The following CATSPERB variants were observed in gnomAD, a reference collection of about 807,000 sequenced individuals.
CATSPERB encodes the protein cation channel sperm-associated auxiliary subunit beta.
Under a neutral mutation model 128.3 loss-of-function variants are expected in CATSPERB, and 93 were observed. The ratio of observed to expected loss-of-function variants is 0.72; its 90% confidence interval spans 0.61 to 0.86. The LOEUF (loss-of-function observed/expected upper bound fraction) is 0.86, where lower values mean the gene tolerates loss of function less well. CATSPERB is among the 40% of genes least tolerant of loss of function. The pLI is 0.00. For synonymous variants in CATSPERB, 381 were observed against 448.8 expected, an observed-to-expected ratio of 0.85 and a Z score of 1.91; for missense variants, 1,153 against 1,329.5, an observed-to-expected ratio of 0.87 and a Z score of 2.06.
chr14:91,686,575 CTG>C (rs1465526708), intron 10 of CATSPERB, among the ~76,000 whole-genome samples: 3 of 152,140 alleles, frequency 2.0e-5, no homozygotes, highest in Non-Finnish European at 4.4e-5. Flanking sequence ...CTTTGGAACA[CTG>C]TATTTCCCCT....
chr14:91,583,721 A>G (rs181115574), intron 26 of CATSPERB, among the ~76,000 whole-genome samples: 1 of 152,318 alleles, frequency 6.6e-6, no homozygotes, highest in Admixed American at 6.5e-5. Flanking sequence ...CCACAGTGCA[A>G]TGATCAAAGT....
At chr14:91,588,301 A>G (rs145361575) in intron 24 of CATSPERB, among the ~76,000 whole-genome samples, 69 of 152,210 alleles carry the variant, frequency 4.5e-4, no homozygotes, top group Middle Eastern at 6.8e-3. Flanking sequence ...TTGACTTTGT[A>G]GACGATGTAT....
chr14:91,621,810 A>G lies in CATSPERB; in HGVS notation c.2058T>C (p.Ser686=), dbSNP rs1290882991. Residue 686 remains serine (S), a synonymous_variant, in exon 19 of 27, where the codon AGT becomes AGC. Coordinates refer to ENST00000256343, the MANE Select transcript of CATSPERB (RefSeq NM_024764.4). ...NALAIATMPE[S]APNNMTFLKS... ...TTAGAAAGGTCATATTGTTGGGTGC[A>G]CTTTCAGGCATGGTAGCAATGGCTA... 1.2e-6 allele frequency: 2 copies of G among 1,614,196 alleles called. No homozygotes were observed.
intron 21 of CATSPERB, 92 bp downstream of exon 21, chr14:91,610,388 A>G (rs1893801972): frequency 1.0e-6 from 1 of 1,004,978 alleles, no homozygotes; most frequent in Admixed American, 2.4e-5. Context: ...AGCCACTCAC[A>G]AAAGAAATGC....
Position 91,693,163 on chromosome 14 carries a change from C to T in CATSPERB, c.794G>A (p.Ser265Asn). 6.2e-7 allele frequency: 1 copy of T among 1,613,694 alleles called. No homozygotes were observed. The highest frequency in any genetic ancestry group is 8.5e-7 in the Non-Finnish European group (1 of 1,179,806). ...GCGTGATGGATAACGAAGATCTTCA[C>T]TTACAAAAAGGCCCAAAGAGGTGAG... ...VILTSLGLFV[S>N]EDLRYPSRHS... The change falls in exon 9 of 27, where the codon AGT becomes AAT. Residue 265 changes from serine (S) to asparagine (N), a missense_variant. Ser to Asn is a conservative substitution (Grantham distance 46). Transcript: ENST00000256343.
At chr14:91,729,567 G>T (rs538034867) in intron 1 of CATSPERB, 88 bp from the exon 2 acceptor site, 41 of 616,930 alleles carry the variant, frequency 6.6e-5, no homozygotes, top group African/African-American at 1.1e-4. Flanking sequence ...AAGTAGTAAA[G>T]AAATAATCTC....
chr14:91,678,744 G>A lies in CATSPERB; in HGVS notation c.932-4522C>T, dbSNP rs185467259. ...CTCTGCTAGATAGATTAAGCTGTCTGGATTTGGCATAAAAGTTATAAGGCT... is the reference window on the plus strand; with the variant it reads ...CTCTGCTAGATAGATTAAGCTGTCTAGATTTGGCATAAAAGTTATAAGGCT... On this transcript the variant is annotated intron_variant, in intron 11 of 26. Coordinates refer to ENST00000256343, the MANE Select transcript of CATSPERB (RefSeq NM_024764.4). Among the ~76,000 whole-genome samples the A allele has an allele frequency of 3.2e-3, 494 of 152,248 alleles. 1 individual carries two copies. The highest frequency in any genetic ancestry group is 4.6e-3 in the Non-Finnish European group (311 of 67,996).
intron 5 of CATSPERB, chr14:91,710,730 A>G (rs1485499819): frequency 6.6e-6 from 1 of 152,226 alleles, no homozygotes; most frequent in African/African-American, 2.4e-5. Context: ...ATGGCACCAT[A>G]ACTACTCCAG....
intron 24 of CATSPERB, among the ~76,000 whole-genome samples, chr14:91,588,565 A>T (rs1893344193): frequency 6.6e-6 from 1 of 152,158 alleles, no homozygotes; most frequent in Admixed American, 6.5e-5. Context: ...CTTTCTTGTC[A>T]TCCTTTCTAA....
At chr14:91,623,869 A>G (rs1468136303) in intron 18 of CATSPERB, among the ~76,000 whole-genome samples, 2 of 152,238 alleles carry the variant, frequency 1.3e-5, no homozygotes, top group Non-Finnish European at 2.9e-5. Flanking sequence ...TGAGATAGAA[A>G]CATCCTATAG....
At chr14:91,583,157 G>A (rs1248026527) in intron 26 of CATSPERB, among the ~76,000 whole-genome samples, 4 of 152,244 alleles carry the variant, frequency 2.6e-5, no homozygotes, top group Non-Finnish European at 4.4e-5. Context: ...GGTGGCTCAT[G>A]CCTGTAATCC....
At chr14:91,633,477 C>T (rs1481782328) in intron 17 of CATSPERB, among the ~76,000 whole-genome samples, 1 of 151,544 alleles carries the variant, frequency 6.6e-6, no homozygotes, top group East Asian at 1.9e-4. Context: ...AACAGAACCA[C>T]AGAAGGGCAA....
intron 10 of CATSPERB, among the ~76,000 whole-genome samples, chr14:91,689,403 C>T (rs1038108973): frequency 5.9e-5 from 9 of 152,204 alleles, no homozygotes; most frequent in African/African-American, 2.2e-4. Flanking sequence ...CCCAGCTGTC[C>T]AGTGGCCCCA....
At chr14:91,706,910 T>A (rs2139856526) in intron 6 of CATSPERB, among the ~76,000 whole-genome samples, 1 of 152,228 alleles carries the variant, frequency 6.6e-6, no homozygotes, top group East Asian at 1.9e-4. Context: ...AATGCTACTG[T>A]CCATCTACTC....
intron 23 of CATSPERB, among the ~76,000 whole-genome samples, chr14:91,591,159 G>A (rs971941424): frequency 1.3e-5 from 2 of 151,962 alleles, no homozygotes; most frequent in African/African-American, 4.8e-5. Context: ...CCAGGTTTAA[G>A]CAATGCTGTC....
chr14:91,603,009 C>T (rs1036537173), intron 22 of CATSPERB, among the ~76,000 whole-genome samples: 1 of 152,100 alleles, frequency 6.6e-6, no homozygotes, highest in Non-Finnish European at 1.5e-5. Flanking sequence ...TTTTTCAACA[C>T]ATCTGCAGTA....
intron 26 of CATSPERB, among the ~76,000 whole-genome samples, chr14:91,584,005 C>T (rs915430802): frequency 2.0e-5 from 3 of 152,118 alleles, no homozygotes; most frequent in African/African-American, 7.2e-5. Flanking sequence ...CCCTCGGCCT[C>T]CCAAATAGCT....
intron 3 of CATSPERB, among the ~76,000 whole-genome samples, chr14:91,724,024 A>G (rs1378283206): frequency 6.6e-6 from 1 of 152,198 alleles, no homozygotes; most frequent in East Asian, 1.9e-4. Context: ...TAGCGAATAA[A>G]AAACAATATT....
chr14:91,655,282 A>C (rs538230290), intron 15 of CATSPERB, among the ~76,000 whole-genome samples: 7 of 152,330 alleles, frequency 4.6e-5, no homozygotes, highest in Admixed American at 3.3e-4. Context: ...GACACCAATC[A>C]ATGTCCAGAA....
Sources: gnomAD v4.1 joint callset for allele counts (sites outside exome capture counted in the v4.1 genomes callset) on GRCh38, gnomAD v4.1.1 for gene constraint, MANE v1.5 for transcripts, NCBI Gene and HGNC (gene_info 2026-07-23, HGNC 2026-07-21) for gene names.